The following SVOPL variants were observed in gnomAD, a reference collection of about 807,000 sequenced individuals.
SVOPL encodes the protein SVOP like.
Under a neutral mutation model 61.0 loss-of-function variants are expected in SVOPL, and 60 were observed. The ratio of observed to expected loss-of-function variants is 0.98; its 90% CI spans 0.80 to 1.22. The LOEUF is 1.22. SVOPL is among the 50% of genes most tolerant of loss of function. The pLI, the probability that SVOPL is intolerant of heterozygous loss-of-function variation, is 0.00. For missense variants in SVOPL, 662 were observed against 643.9 expected (o/e 1.03, Z -0.30); for synonymous variants, 279 against 250.0 (o/e 1.12, Z -1.09).
chr7:138,611,900 A>C (rs1270164679), intron 14 of SVOPL, among the ~76,000 whole-genome samples: 8 of 31,048 alleles, frequency 2.6e-4, no homozygotes, highest in South Asian at 9.2e-4. Context: ...AGGTGTGCCC[A>C]ACAGCTCATT....
rs552897862 is a variant in SVOPL, at chr7:138,668,847, TCTCA to T, written c.273+3168_273+3171del. 3.9e-4 allele frequency among the ~76,000 whole-genome samples: 59 copies of T among 152,272 alleles called. 1 individual carries two copies. Among genetic ancestry groups the T allele is most frequent in the East Asian group, 9.7e-4 (5 of 5,172 alleles). ...TCTCCACCACCAGTTTCAGACTAGC[TCTCA>T]CTGTCTTACAGAATTTGACCTCAAG... On this transcript the variant is annotated intron_variant, in intron 4 of 15. Coordinates refer to ENST00000674285, the MANE Select transcript of SVOPL (RefSeq NM_001139456.2).
At chr7:138,603,739 T>C (rs1298796069) in intron 14 of SVOPL, among the ~76,000 whole-genome samples, 1 of 152,142 alleles carries the variant, frequency 6.6e-6, no homozygotes. Context: ...CTGTATGTTG[T>C]AATCTGCAGC....
At chr7:138,605,620 C>T (rs562435763) in intron 14 of SVOPL, among the ~76,000 whole-genome samples, 1 of 142,342 alleles carries the variant, frequency 7.0e-6, no homozygotes, top group Non-Finnish European at 1.5e-5. Flanking sequence ...CGAGATCATA[C>T]CACTGCACTC....
Position 138,632,654 on chromosome 7 carries a change from A to G in SVOPL, c.790-2532T>C, listed in dbSNP as rs1338961651. Among the ~76,000 whole-genome samples, 4 of 150,630 alleles carry G rather than the reference A, an allele frequency of 2.7e-5. No individual in the cohort carries two copies. The South Asian group carries it at 6.4e-4, about 24-fold the overall frequency. ...GTAGGATGTGGAGGGAGGAGGCCAGACAGGGGAGCCAGGGTGGAAAGGGAG... is the reference window on the plus strand; with the variant it reads ...GTAGGATGTGGAGGGAGGAGGCCAGGCAGGGGAGCCAGGGTGGAAAGGGAG... On this transcript the variant is annotated intron_variant, in intron 9 of 15. Coordinates refer to ENST00000674285, the MANE Select transcript of SVOPL (RefSeq NM_001139456.2).
At chr7:138,637,463 T>TATATATAG (rs1554463004) in intron 9 of SVOPL, among the ~76,000 whole-genome samples, 11 of 19,114 alleles carry the variant, frequency 5.8e-4, no homozygotes, top group Non-Finnish European at 9.6e-4. Flanking sequence ...TAGATATATA[T>TATATATAG]ATATAGATAT....
At chr7:138,689,802 A>G (rs1802900696) in intron 1 of SVOPL, among the ~76,000 whole-genome samples, 1 of 148,094 alleles carries the variant, frequency 6.8e-6, no homozygotes, top group Admixed American at 6.8e-5. Context: ...GGTTGCAGTG[A>G]GCTGAGATCA....
intron 14 of SVOPL, among the ~76,000 whole-genome samples, chr7:138,597,450 C>T (rs1384349163): frequency 2.6e-5 from 4 of 152,122 alleles, no homozygotes; most frequent in East Asian, 1.9e-4. Context: ...AATTTGGGAG[C>T]GTACCTCCTG....
chr7:138,661,115 C>G, intron 5 of SVOPL: 2 of 985,336 alleles, frequency 2.0e-6, no homozygotes, highest in Non-Finnish European at 2.4e-6. Flanking sequence ...TTAAAACATA[C>G]AGCCAATTCT....
At chr7:138,681,952 G>A (rs1264596046) in intron 1 of SVOPL, among the ~76,000 whole-genome samples, 1 of 152,170 alleles carries the variant, frequency 6.6e-6, no homozygotes, top group Non-Finnish European at 1.5e-5. Flanking sequence ...TTTGTTCACA[G>A]TAATACCATA....
At chr7:138,692,471 A>G (rs903687067) in intron 1 of SVOPL, among the ~76,000 whole-genome samples, 5 of 152,160 alleles carry the variant, frequency 3.3e-5, no homozygotes, top group Admixed American at 3.3e-4. Flanking sequence ...ATGTGACACA[A>G]GTACATATTA....
intron 1 of SVOPL, among the ~76,000 whole-genome samples, chr7:138,681,076 G>T (rs1456748411): frequency 6.6e-6 from 1 of 150,548 alleles, no homozygotes; most frequent in African/African-American, 2.5e-5. Context: ...TCATTGTTAA[G>T]AGGAAAAAGA....
In SVOPL at chr7:138,654,824, C is replaced by T. The variant is rs150246627; in HGVS notation, c.534+1624G>A. Among the ~76,000 whole-genome samples the T allele has an allele frequency of 5.1e-4, 77 of 151,128 alleles. 2 individuals are homozygous for T. The East Asian group carries it at 0.015, about 29-fold the overall frequency. On this transcript the variant is annotated intron_variant, in intron 7 of 15. Transcript: ENST00000674285. Reference sequence around the variant, plus strand: ...GGTCAACATAGTGAGACCACATCTCCACACAACATAGTGAGACCACATTTT... The same window carrying T: ...GGTCAACATAGTGAGACCACATCTCTACACAACATAGTGAGACCACATTTT...
intron 4 of SVOPL, among the ~76,000 whole-genome samples, chr7:138,667,452 TCATTCTTCCCAGAAGATGAGAC>T (rs772266770): frequency 3.9e-5 from 6 of 152,236 alleles, no homozygotes; most frequent in Non-Finnish European, 7.3e-5. Context: ...GTGATGAGAC[TCATTCTTCCCAGAAGATGAGAC>T]CATTCTTCCA....
intron 14 of SVOPL, among the ~76,000 whole-genome samples, chr7:138,599,766 T>C (rs962057669): frequency 7.9e-5 from 12 of 151,836 alleles, no homozygotes; most frequent in Non-Finnish European, 1.5e-4. Context: ...TGTGCACCTG[T>C]GGTCCCAGCT....
chr7:138,596,362 T>C, intron 15 of SVOPL, 55 bp downstream of exon 15: 1 of 1,506,168 alleles, frequency 6.6e-7, no homozygotes, highest in South Asian at 1.2e-5. Context: ...CAAGTTCATT[T>C]GCTCTGGGCA....
At chr7:138,699,345 A>G (rs925124659) in intron 1 of SVOPL, among the ~76,000 whole-genome samples, 1 of 152,162 alleles carries the variant, frequency 6.6e-6, no homozygotes, top group Non-Finnish European at 1.5e-5. Context: ...AAAGTATCTA[A>G]AGAGTTACCA....
intron 9 of SVOPL, among the ~76,000 whole-genome samples, chr7:138,642,848 A>AAAAAAAAAAGAAG (rs1437306629): frequency 1.7e-4 from 6 of 35,436 alleles, no homozygotes; most frequent in African/African-American, 2.7e-4. Context: ...AAAAAAAAAA[A>AAAAAAAAAAGAAG]AAGAAGAAAC....
intron 3 of SVOPL, among the ~76,000 whole-genome samples, chr7:138,678,186 C>T (rs1369033483): frequency 6.6e-6 from 1 of 152,102 alleles, no homozygotes; most frequent in Admixed American, 6.6e-5. Context: ...TCCCCCCTCC[C>T]CCACCACTCC....
chr7:138,674,001 A>T (rs915001266), intron 3 of SVOPL, among the ~76,000 whole-genome samples: 19 of 152,128 alleles, frequency 1.2e-4, no homozygotes, highest in African/African-American at 4.6e-4. Flanking sequence ...CTTGGCCAAC[A>T]TGGCAAAACC....
Sources: allele counts gnomAD v4.1 joint callset (sites outside exome capture counted in the v4.1 genomes callset), GRCh38; gene constraint gnomAD v4.1.1; transcripts MANE v1.5; gene names NCBI Gene and HGNC (gene_info 2026-07-23, HGNC 2026-07-21).